PDYN: variants seen among roughly 807,000 people sequenced by gnomAD.
The protein encoded by PDYN is proenkephalin-B.
PDYN carries 5 observed loss-of-function variants against 11.4 expected under a neutral mutation model. The observed-to-expected ratio is 0.44, with a 90% confidence interval of 0.23 to 0.92. The LOEUF (loss-of-function observed/expected upper bound fraction) is 0.92. Among genes scored for constraint, PDYN ranks in the 40% least tolerant of loss-of-function variants. The probability of loss-of-function intolerance (pLI) is 0.24; values close to 1 mark genes in which losing one functional copy is unlikely to be tolerated. For synonymous variants in PDYN, 132 were observed against 129.5 expected, an observed-to-expected ratio of 1.02 and a Z score of -0.13; for missense variants, 337 against 317.3, an observed-to-expected ratio of 1.06 and a Z score of -0.47.
chr20:1,988,650 C>T (rs1326612155), intron 2 of PDYN, among the ~76,000 whole-genome samples: 1 of 152,240 alleles, frequency 6.6e-6, no homozygotes, highest in Non-Finnish European at 1.5e-5. Flanking sequence ...CTTTCACAGA[C>T]TTGGCCAAGG....
In PDYN at chr20:1,979,848, C is replaced by A. The variant is rs577704826; in HGVS notation, c.*475G>T. ...ATTTCTGTGTATGATTATTTACCTT[C>A]TTTTAAAGTTCTACTCTTTGTTTAT... On this transcript the variant is annotated 3_prime_UTR_variant, in exon 4 of 4. Transcript: ENST00000217305. 4 of 173,638 alleles carry A rather than the reference C, an allele frequency of 2.3e-5. No individual in the cohort carries two copies. In the South Asian group the frequency reaches 5.1e-4, roughly 22 times the overall value. 10.8% of individuals were successfully genotyped at this position (173,638 alleles called of 1,614,324 possible).
At chr20:1,982,928 G>A (rs776449004) in intron 3 of PDYN, 28 bp downstream of exon 3, 1 of 1,611,090 alleles carries the variant, frequency 6.2e-7, no homozygotes, top group African/African-American at 1.3e-5. Context: ...AAGGACCTGG[G>A]CATTGAAGAA....
At chr20:1,985,344 C>T (rs567353495) in intron 2 of PDYN, among the ~76,000 whole-genome samples, 5 of 152,272 alleles carry the variant, frequency 3.3e-5, no homozygotes, top group South Asian at 4.1e-4. Context: ...TCATTTATTC[C>T]TTCAGGGAAG....
At chr20:1,982,803 G>C (rs895127972) in intron 3 of PDYN, among the ~76,000 whole-genome samples, 153 bp downstream of exon 3, 3 of 152,138 alleles carry the variant, frequency 2.0e-5, no homozygotes, top group African/African-American at 4.8e-5. Context: ...CTGGTGTCCA[G>C]GCCATCTATA....
rs144589820 is a variant in PDYN at position 1,987,349 on chromosome 20, CA to C, written c.-19-4247del. 4.0e-3 allele frequency among the ~76,000 whole-genome samples: 613 copies of C among 152,274 alleles called. 8 individuals are homozygous for C. The highest frequency in any genetic ancestry group is 0.014 in the African/African-American group (595 of 41,538). Reference sequence around the variant, plus strand: ...CACACCAATTAGTTATGAAAATAAACAGGCAATATTTTAAAATTAGGCAATT... The same window carrying C: ...CACACCAATTAGTTATGAAAATAAACGGCAATATTTTAAAATTAGGCAATT... On this transcript the variant is annotated intron_variant, in intron 2 of 3. Transcript: ENST00000217305.
Position 1,980,236 on chromosome 20 carries a change from G to T in PDYN, c.*87C>A. The T allele has an allele frequency of 1.6e-6, 2 of 1,281,786 alleles. No homozygotes were observed. Among genetic ancestry groups the T allele is most frequent in the Non-Finnish European group, 1.1e-6 (1 of 879,662 alleles). The allele number at this position is 1,281,786 out of a possible 1,614,324, so 79.4% of individuals were successfully genotyped here. On this transcript the variant is annotated 3_prime_UTR_variant, in exon 4 of 4. Transcript: ENST00000217305. ...CAATGCTGAGCTGAGCATGGGGAAG[G>T]GGCACATATAAGAGGATGAATGAAT...
chr20:1,987,248 G>GATGA lies in PDYN; in HGVS notation c.-19-4149_-19-4146dup, dbSNP rs3039804. On this transcript the variant is annotated intron_variant, in intron 2 of 3. Transcript: ENST00000217305. ...GAAGACTAAGGAAGTTTGAGTGATT[G>GATGA]ATGAATGAATGAATGAATGAATGAA... Among the ~76,000 whole-genome samples the GATGA allele has an allele frequency of 1.7e-3, 252 of 151,494 alleles. 2 individuals carry two copies. The highest frequency in any genetic ancestry group is 3.7e-3 in the African/African-American group (153 of 41,218).
chr20:1,986,572 C>G (rs940261462), intron 2 of PDYN, among the ~76,000 whole-genome samples: 33 of 152,220 alleles, frequency 2.2e-4, no homozygotes, highest in Admixed American at 6.5e-5. Flanking sequence ...TCCCTGTGTG[C>G]CTGCCCCTGT....
intron 3 of PDYN, among the ~76,000 whole-genome samples, chr20:1,982,646 T>A (rs1412352397): frequency 6.6e-6 from 1 of 152,124 alleles, no homozygotes; most frequent in African/African-American, 2.4e-5. Context: ...GAAAAGTCAA[T>A]CTAGAGCTGC....
chr20:1,982,085 C>T (rs575722289), intron 3 of PDYN, among the ~76,000 whole-genome samples: 3 of 151,600 alleles, frequency 2.0e-5, no homozygotes, highest in South Asian at 2.1e-4. Flanking sequence ...GGTGAAACCC[C>T]GTCTCTACTA....
At chr20:1,990,405 T>A (rs1051755527) in intron 2 of PDYN, among the ~76,000 whole-genome samples, 8 of 152,300 alleles carry the variant, frequency 5.3e-5, no homozygotes, top group Admixed American at 2.0e-4. Flanking sequence ...CCCTTGTGGG[T>A]CTCCAGGTGG....
At chr20:1,981,026 C>G in intron 3 of PDYN, 68 bp from the exon 4 acceptor site, 2 of 1,585,798 alleles carry the variant, frequency 1.3e-6, no homozygotes, top group Admixed American at 3.4e-5. Flanking sequence ...GCCCCAGGCT[C>G]CCCTGTCCAG....
chr20:1,992,314 A>T (rs1356894573), intron 2 of PDYN, among the ~76,000 whole-genome samples: 3 of 152,132 alleles, frequency 2.0e-5, no homozygotes, highest in Non-Finnish European at 2.9e-5. Flanking sequence ...GCCTCCCAGG[A>T]GTTACTTCAA....
At chr20:1,982,482 G>A (rs368682949) in intron 3 of PDYN, among the ~76,000 whole-genome samples, 29 of 152,184 alleles carry the variant, frequency 1.9e-4, no homozygotes, top group African/African-American at 6.3e-4. Context: ...AAGGAAAGCC[G>A]ACAAGGTAGG....
chr20:1,985,691 G>C (rs1328680682), intron 2 of PDYN, among the ~76,000 whole-genome samples: 1 of 152,136 alleles, frequency 6.6e-6, no homozygotes, highest in Non-Finnish European at 1.5e-5. Flanking sequence ...CTCGCTTGAG[G>C]CTGGCAAGGT....
chr20:1,987,488 C>T (rs775835824), intron 2 of PDYN, among the ~76,000 whole-genome samples: 9 of 152,210 alleles, frequency 5.9e-5, no homozygotes, highest in Non-Finnish European at 1.0e-4. Context: ...GCCATACTGC[C>T]CATCGCCACC....
intron 2 of PDYN, among the ~76,000 whole-genome samples, chr20:1,989,044 C>T (rs1228561631): frequency 6.6e-6 from 1 of 152,182 alleles, no homozygotes; most frequent in Non-Finnish European, 1.5e-5. Context: ...CTCTCTGGTC[C>T]TTTACAGACA....
intron 2 of PDYN, among the ~76,000 whole-genome samples, chr20:1,990,736 A>C (rs1336844531): frequency 1.3e-5 from 2 of 152,118 alleles, no homozygotes; most frequent in Non-Finnish European, 2.9e-5. Context: ...TATCTGGTGC[A>C]ATTAAGGGAT....
rs752659908 is a variant in PDYN, at chr20:1,980,476, G to A, written c.612C>T (p.Tyr204=). 2 of 1,613,182 alleles carry A rather than the reference G, an allele frequency of 1.2e-6. No individual in the cohort carries two copies. The highest frequency in any genetic ancestry group is 3.3e-5 in the Admixed American group (2 of 59,936). ...GCCGCAAGAAGCCCCCATAGCGTTT[G>A]TACAGGTCCTCATGGCCCATGCTAT... ...DGDSMGHEDL[Y]KRYGGFLRRI... is the part of the protein sequence containing the mutation. Residue 204 remains tyrosine, a synonymous_variant, in exon 4 of 4, where the codon TAC becomes TAT. Coordinates refer to ENST00000217305, the MANE Select transcript of PDYN (RefSeq NM_024411.5).
Sources: allele counts gnomAD v4.1 joint callset (sites outside exome capture counted in the v4.1 genomes callset), GRCh38; gene constraint gnomAD v4.1.1; transcripts MANE v1.5; gene names NCBI Gene and HGNC (gene_info 2026-07-23, HGNC 2026-07-21).